VPS13D: variants seen among roughly 807,000 people sequenced by gnomAD.
VPS13D encodes the protein vacuolar protein sorting 13 homolog D.
A neutral mutation model predicts 461.9 loss-of-function variants in VPS13D; 187 were observed. The ratio of observed to expected loss-of-function variants is 0.40; its 90% CI spans 0.36 to 0.46. VPS13D has a LOEUF of 0.46. VPS13D is among the 20% of genes least tolerant of loss of function. The pLI, the probability that VPS13D is intolerant of heterozygous loss-of-function variation, is 0.60. For missense variants in VPS13D, 4,711 were observed against 5,364.9 expected (o/e 0.88, Z 3.81); for synonymous variants, 1,951 against 1,986.3 (o/e 0.98, Z 0.47).
intron 69 of VPS13D, among the ~76,000 whole-genome samples, chr1:12,508,251 T>G (rs1356298757): frequency 6.6e-6 from 1 of 152,160 alleles, no homozygotes; most frequent in African/African-American, 2.4e-5. Context: ...CCTAGAGGCT[T>G]TTGTTCGCTG....
intron 5 of VPS13D, among the ~76,000 whole-genome samples, chr1:12,245,311 A>G (rs1569656023): frequency 6.6e-6 from 1 of 152,220 alleles, no homozygotes; most frequent in East Asian, 1.9e-4. Flanking sequence ...AAATGTGTTC[A>G]ATGTATGTCA....
chr1:12,267,162 A>G, intron 14 of VPS13D, 151 bp downstream of exon 14: 1 of 831,930 alleles, frequency 1.2e-6, no homozygotes. Context: ...GTTAAAGAGC[A>G]AATGTTGGTG....
chr1:12,274,313 TATA>T (rs2101348651), intron 18 of VPS13D, among the ~76,000 whole-genome samples: 1 of 152,338 alleles, frequency 6.6e-6, no homozygotes, highest in Admixed American at 6.5e-5. Flanking sequence ...GTGCTGGGAT[TATA>T]GGCGTGAGCC....
In VPS13D at chr1:12,283,228, C is replaced by T; in HGVS notation, c.5126C>T (p.Ser1709Phe). The change falls in exon 21 of 70, where the codon TCT (serine) becomes TTT (phenylalanine). Residue 1709 changes from serine to phenylalanine, a missense_variant. By Grantham distance (155) the Ser-to-Phe change is radical. Transcript: ENST00000620676. ...GCACAAAAAGAATACCTTTCTCAGT[C>T]TTGCCCCTCAGTGTCCAATGTGGAA... is the stretch of plus-strand genomic sequence containing the variant. ...SLAQKEYLSQ[S>F]CPSVSNVEYP... 1 of 1,614,164 alleles carries T rather than the reference C, an allele frequency of 6.2e-7. No homozygotes were observed. The highest frequency in any genetic ancestry group is 8.5e-7 in the Non-Finnish European group (1 of 1,180,016).
chr1:12,331,902 G>A (rs1440901157), intron 37 of VPS13D, among the ~76,000 whole-genome samples: 2 of 152,084 alleles, frequency 1.3e-5, no homozygotes, highest in African/African-American at 2.4e-5. Flanking sequence ...TGTATCTACT[G>A]TGTGTTACAT....
intron 63 of VPS13D, among the ~76,000 whole-genome samples, chr1:12,411,414 C>G (rs1389803244): frequency 3.3e-5 from 5 of 151,682 alleles, no homozygotes; most frequent in Admixed American, 3.3e-4. Context: ...GGGAGGATCA[C>G]TTGAGCCCAG....
intron 31 of VPS13D, among the ~76,000 whole-genome samples, chr1:12,318,721 ATAAG>A (rs939718474): frequency 5.1e-4 from 77 of 152,360 alleles, no homozygotes; most frequent in Admixed American, 2.4e-3. Flanking sequence ...AGTTTTGAAG[ATAAG>A]TAAGTGAGGA....
rs1275212646 is a variant in VPS13D, at chr1:12,385,354, A to G, written c.11465A>G (p.Asp3822Gly). The part of the protein sequence containing the change: ...EQELQKLKNP[D>G]TEQELEVLVR... ...GAGCTGCAGAAATTAAAGAATCCAG[A>G]TACAGAGCAGGAATTGGAAGTAAGG... The change falls in exon 59 of 70, where the codon GAT becomes GGT. Residue 3822 changes from aspartate to glycine, a missense_variant. Asp to Gly is a moderately conservative substitution (Grantham distance 94). Coordinates refer to ENST00000620676, the MANE Select transcript of VPS13D (RefSeq NM_015378.4). The G allele has an allele frequency of 1.2e-6, 2 of 1,613,560 alleles. No individual in the cohort carries two copies. The highest frequency in any genetic ancestry group is 2.2e-5 in the East Asian group (1 of 44,852).
intron 35 of VPS13D, among the ~76,000 whole-genome samples, chr1:12,325,611 C>T (rs1488588491): frequency 6.6e-6 from 1 of 152,192 alleles, no homozygotes; most frequent in Non-Finnish European, 1.5e-5. Flanking sequence ...CACACATGCA[C>T]ACATTACATT....
At chr1:12,346,530 T>G in intron 43 of VPS13D, 75 bp from the exon 44 acceptor site, 1 of 1,504,096 alleles carries the variant, frequency 6.6e-7, no homozygotes, top group Non-Finnish European at 9.1e-7. Context: ...TTGAAGAAAA[T>G]TATGTTGTCA....
At chr1:12,448,319 C>T (rs947936684) in intron 65 of VPS13D, among the ~76,000 whole-genome samples, 2 of 152,124 alleles carry the variant, frequency 1.3e-5, no homozygotes, top group Admixed American at 1.3e-4. Context: ...TAATCTATCT[C>T]CTGGTTCAGT....
In VPS13D at chr1:12,474,831, C is replaced by A. The variant is rs569072945; in HGVS notation, c.12662+14435C>A. On this transcript the variant is annotated intron_variant, in intron 67 of 69. Transcript: ENST00000620676. ...AGGGAGGTAGCTCTTGGGGGAATAG[C>A]ATTCAGGCCACAGGCAATTCATTTG... Among the ~76,000 whole-genome samples the A allele has an allele frequency of 6.3e-4, 96 of 152,290 alleles. 1 individual carries two copies. The highest frequency in any genetic ancestry group is 2.2e-3 in the African/African-American group (91 of 41,558).
intron 69 of VPS13D, among the ~76,000 whole-genome samples, 181 bp from the exon 70 acceptor site, chr1:12,508,712 A>G (rs778667347): frequency 5.5e-4 from 82 of 150,432 alleles, no homozygotes; most frequent in Non-Finnish European, 8.3e-4. Context: ...AAAAAATTGC[A>G]GGGACCCACC....
rs200158977 is a variant in VPS13D at position 12,238,186 on chromosome 1, TC to T, written c.97+3830del. Among the ~76,000 whole-genome samples the T allele has an allele frequency of 9.3e-3, 1,118 of 120,248 alleles. 16 individuals carry two copies. Among genetic ancestry groups the T allele is most frequent in the African/African-American group, 0.029 (887 of 31,006 alleles). The allele number at this position is 120,248 out of a possible 152,430, so 78.9% of individuals were successfully genotyped here. The stretch of plus-strand genomic sequence containing the variant: ...AAAAAGAAATATATGTATATATATC[TC>T]CCCCCCAAAATATATATATATAAAA... On this transcript the variant is annotated intron_variant, in intron 2 of 69. Coordinates refer to ENST00000620676, the MANE Select transcript of VPS13D (RefSeq NM_015378.4).
intron 68 of VPS13D, 105 bp from the exon 69 acceptor site, chr1:12,506,748 G>C: frequency 7.0e-7 from 1 of 1,427,096 alleles, no homozygotes; most frequent in Non-Finnish European, 9.5e-7. Context: ...CAAGGGGGCC[G>C]GGATTCGCAC....
chr1:12,283,862 C>CTACG, intron 21 of VPS13D, 126 bp downstream of exon 21: 1 of 1,014,438 alleles, frequency 9.9e-7, no homozygotes. Context: ...ATCTAGTCTT[C>CTACG]TAGGTGTTTG....
intron 51 of VPS13D, 90 bp from the exon 52 acceptor site, chr1:12,362,982 T>G: frequency 6.3e-7 from 1 of 1,581,028 alleles, no homozygotes; most frequent in East Asian, 2.2e-5. Flanking sequence ...ATAGCTCCTG[T>G]TAGAGGGTAA....
chr1:12,387,854 A>G (rs1227928235), intron 60 of VPS13D, among the ~76,000 whole-genome samples: 3 of 152,246 alleles, frequency 2.0e-5, no homozygotes, highest in African/African-American at 7.2e-5. Flanking sequence ...CAAGGAATAA[A>G]GATAAGAATG....
At chr1:12,263,869 C>T (rs557691505) in intron 13 of VPS13D, among the ~76,000 whole-genome samples, 31 of 152,214 alleles carry the variant, frequency 2.0e-4, no homozygotes, top group Non-Finnish European at 4.4e-4. Flanking sequence ...TGGATAGATA[C>T]AGGCACACTT....
Sources: gnomAD v4.1 joint callset for allele counts (sites outside exome capture counted in the v4.1 genomes callset) on GRCh38, gnomAD v4.1.1 for gene constraint, MANE v1.5 for transcripts, NCBI Gene and HGNC (gene_info 2026-07-23, HGNC 2026-07-21) for gene names.